The following NCKAP5 variants were observed in gnomAD, a reference collection of about 807,000 sequenced individuals.
NCKAP5 encodes the protein nck-associated protein 5.
A neutral mutation model predicts 167.0 loss-of-function variants in NCKAP5; 92 were observed. The observed-to-expected ratio is 0.55, with a 90% confidence interval of 0.47 to 0.66. The LOEUF (loss-of-function observed/expected upper bound fraction) is 0.66, where lower values mean the gene tolerates loss of function less well. Ranked by LOEUF, NCKAP5 falls within the 30% of genes least tolerant of loss-of-function variation. The pLI is 0.00. For missense variants in NCKAP5, 2,378 were observed against 2,315.0 expected (o/e 1.03, Z -0.56); for synonymous variants, 891 against 877.4 (o/e 1.02, Z -0.27).
chr2:133,592,168 G>A, the NCKAP5 span, among the ~76,000 whole-genome samples: 1 of 152,058 alleles, frequency 6.6e-6, no homozygotes, highest in Non-Finnish European at 1.5e-5. Flanking sequence ...CCCAAACAAT[G>A]CACCCTAATT....
intron 6 of NCKAP5, among the ~76,000 whole-genome samples, chr2:133,058,511 C>T (rs767778682): frequency 3.9e-5 from 6 of 152,134 alleles, no homozygotes; most frequent in African/African-American, 9.7e-5. Flanking sequence ...GGGGTACAAA[C>T]CTTCAGTGGT....
intron 5 of NCKAP5, among the ~76,000 whole-genome samples, chr2:133,142,557 T>C (rs1013724774): frequency 2.6e-5 from 4 of 152,150 alleles, no homozygotes; most frequent in Admixed American, 2.0e-4. Flanking sequence ...CCCTTTCTCG[T>C]TCAGAAGTGG....
intron 5 of NCKAP5, among the ~76,000 whole-genome samples, chr2:133,142,884 C>G (rs887909662): frequency 6.6e-6 from 1 of 152,114 alleles, no homozygotes; most frequent in Non-Finnish European, 1.5e-5. Context: ...TGCATTTGGA[C>G]CAGTTAGATT....
At chr2:132,961,317 T>TATTAC (rs2076504516) in intron 8 of NCKAP5, among the ~76,000 whole-genome samples, 1 of 147,312 alleles carries the variant, frequency 6.8e-6, no homozygotes, top group Non-Finnish European at 1.5e-5. Context: ...GACATCTATA[T>TATTAC]ATAAGAAGAT....
chr2:133,113,981 T>C (rs2081997356), intron 6 of NCKAP5, among the ~76,000 whole-genome samples: 2 of 152,224 alleles, frequency 1.3e-5, no homozygotes, highest in South Asian at 4.1e-4. Context: ...CAGGTCATGA[T>C]GAAGATACAT....
intron 3 of NCKAP5, among the ~76,000 whole-genome samples, chr2:133,508,679 A>G (rs564105487): frequency 2.0e-5 from 3 of 152,214 alleles, no homozygotes; most frequent in Non-Finnish European, 2.9e-5. Flanking sequence ...AGCACTAGAG[A>G]GTCTGCCATG....
At chr2:133,012,780 C>T (rs1033385290) in intron 6 of NCKAP5, among the ~76,000 whole-genome samples, 5 of 152,086 alleles carry the variant, frequency 3.3e-5, no homozygotes, top group African/African-American at 1.2e-4. Flanking sequence ...CCTATCTGCT[C>T]ATTCTGTCTC....
chr2:133,443,772 G>C (rs1268442725), intron 3 of NCKAP5, among the ~76,000 whole-genome samples: 1 of 152,136 alleles, frequency 6.6e-6, no homozygotes. Context: ...GAAGAGGGGA[G>C]GAAAGGATGA....
intron 4 of NCKAP5, among the ~76,000 whole-genome samples, chr2:133,246,148 G>T (rs140331906): frequency 1.6e-4 from 25 of 152,130 alleles, no homozygotes; most frequent in African/African-American, 5.3e-4. Context: ...AGGGAGGGAG[G>T]CTGTAGGGGC....
intron 5 of NCKAP5, among the ~76,000 whole-genome samples, chr2:133,165,168 A>T (rs1432408155): frequency 6.6e-6 from 1 of 152,202 alleles, no homozygotes; most frequent in Non-Finnish European, 1.5e-5. Flanking sequence ...TACTACCCCA[A>T]CACAGAATTA....
chr2:132,759,211 A>G (rs762610517), intron 16 of NCKAP5, among the ~76,000 whole-genome samples: 2 of 152,080 alleles, frequency 1.3e-5, no homozygotes, highest in African/African-American at 2.4e-5. Context: ...ATAGTATTCC[A>G]TAGTATAGGT....
intron 19 of NCKAP5, among the ~76,000 whole-genome samples, chr2:132,689,626 C>A (rs1686459901): frequency 6.6e-6 from 1 of 152,148 alleles, no homozygotes; most frequent in Non-Finnish European, 1.5e-5. Flanking sequence ...ATGCCCACAG[C>A]AGGCATTGCT....
intron 3 of NCKAP5, among the ~76,000 whole-genome samples, chr2:133,460,967 T>A (rs183758766): frequency 1.3e-5 from 2 of 152,154 alleles, no homozygotes; most frequent in African/African-American, 2.4e-5. Flanking sequence ...CAAAGAAAAA[T>A]CTATTAAAAT....
chr2:132,853,596 T>G (rs1689241639), intron 11 of NCKAP5, among the ~76,000 whole-genome samples: 1 of 152,104 alleles, frequency 6.6e-6, no homozygotes, highest in African/African-American at 2.4e-5. Flanking sequence ...AGAATAGAAA[T>G]TTAGGTGCCT....
chr2:132,873,306 G>A (rs1254424784), intron 9 of NCKAP5, among the ~76,000 whole-genome samples: 1 of 151,992 alleles, frequency 6.6e-6, no homozygotes, highest in Admixed American at 6.6e-5. Context: ...GTGGAGATGG[G>A]GTTTCACCAT....
At chr2:132,909,921 G>T (rs1206689504) in intron 8 of NCKAP5, among the ~76,000 whole-genome samples, 2 of 152,110 alleles carry the variant, frequency 1.3e-5, no homozygotes, top group Non-Finnish European at 2.9e-5. Flanking sequence ...AATGCTTAAA[G>T]AATCTTATTT....
At chr2:133,354,591 A>G (rs1409212462) in intron 3 of NCKAP5, among the ~76,000 whole-genome samples, 1 of 152,210 alleles carries the variant, frequency 6.6e-6, no homozygotes, top group Non-Finnish European at 1.5e-5. Context: ...TAAATTGTCT[A>G]ACATCACCCA....
chr2:132,969,346 A>T (rs115612472), intron 7 of NCKAP5, among the ~76,000 whole-genome samples: 2,169 of 152,184 alleles, frequency 0.014, 27 homozygotes, highest in Middle Eastern at 0.024. Flanking sequence ...TCCCCCTGTA[A>T]AATATCACTT....
At chr2:133,076,665 A>G (rs1476845370) in intron 6 of NCKAP5, among the ~76,000 whole-genome samples, 1 of 152,214 alleles carries the variant, frequency 6.6e-6, no homozygotes, top group African/African-American at 2.4e-5. Context: ...CCTGGATGAT[A>G]GTGGTACATG....
Sources: gnomAD v4.1 joint callset for allele counts (sites outside exome capture counted in the v4.1 genomes callset) on GRCh38, gnomAD v4.1.1 for gene constraint, MANE v1.5 for transcripts, NCBI Gene and HGNC (gene_info 2026-07-23, HGNC 2026-07-21) for gene names.